Variants in MRPS14 observed in about 807,000 individuals in gnomAD.
MRPS14 encodes the protein mitochondrial ribosomal protein S14, also known as small ribosomal subunit protein uS14m.
A neutral mutation model predicts 16.4 loss-of-function variants in MRPS14; 14 were observed. That is an observed-to-expected ratio of 0.85 (90% CI 0.56 to 1.33). The LOEUF is 1.33. Ranked by LOEUF, MRPS14 falls within the 40% of genes most tolerant of loss-of-function variation. The probability of loss-of-function intolerance (pLI) is 0.00; values close to 1 mark genes in which losing one functional copy is unlikely to be tolerated. For synonymous variants in MRPS14, 54 were observed against 61.9 expected (o/e 0.87, Z 0.60); for missense variants, 162 against 176.8 (o/e 0.92, Z 0.48).
At position 175,014,475 on chromosome 1, in the gene MRPS14, G is replaced by A. The variant is rs1267456212; in HGVS notation, c.*194C>T. The A allele has an allele frequency of 5.6e-6, 3 of 532,036 alleles. No individual in the cohort carries two copies. The highest frequency in any genetic ancestry group is 1.9e-5 in the African/African-American group (1 of 52,276). 33.0% of individuals were successfully genotyped at this position (532,036 alleles called of 1,614,324 possible). ...GGAACAGTATGTTTGTTAAGTCCAA[G>A]AGAAAAGATAATTCACTGACATGAA... On this transcript the variant is annotated 3_prime_UTR_variant, in exon 3 of 3. Transcript: ENST00000476371.
At chr1:175,015,497 A>G (rs1307451867) in intron 2 of MRPS14, among the ~76,000 whole-genome samples, 1 of 152,196 alleles carries the variant, frequency 6.6e-6, no homozygotes, top group Non-Finnish European at 1.5e-5. Flanking sequence ...GAGGAAGGAG[A>G]GTATCACATG....
chr1:175,019,543 G>A (rs1395066552), intron 1 of MRPS14, among the ~76,000 whole-genome samples: 9 of 152,054 alleles, frequency 5.9e-5, no homozygotes, highest in Non-Finnish European at 1.3e-4. Flanking sequence ...TGATCCATCC[G>A]TCTTGGCCTC....
At chr1:175,023,260 A>T in intron 1 of MRPS14, 104 bp downstream of exon 1, 1 of 1,562,840 alleles carries the variant, frequency 6.4e-7, no homozygotes, top group Non-Finnish European at 8.7e-7. Context: ...GAACCCCTGG[A>T]CTGGTCCTCA....
chr1:175,019,884 T>A (rs1481917524), intron 1 of MRPS14, among the ~76,000 whole-genome samples: 1 of 152,196 alleles, frequency 6.6e-6, no homozygotes, highest in African/African-American at 2.4e-5. Context: ...ATGAAATATA[T>A]GTATAGCAGA....
chr1:175,014,624 T>C lies in MRPS14; in HGVS notation c.*45A>G, dbSNP rs760964289. On this transcript the variant is annotated 3_prime_UTR_variant, in exon 3 of 3. Transcript: ENST00000476371. The stretch of plus-strand genomic sequence containing the variant: ...AAAAAAAATCTTTGCTTGCTGGAAC[T>C]GCAAGCTTGGCTTCCCTGCAAGCTC... 4 of 1,553,504 alleles carry C rather than the reference T, an allele frequency of 2.6e-6. No homozygotes were observed. Among genetic ancestry groups the C allele is most frequent in the Admixed American group, 2.1e-5 (1 of 47,956 alleles).
In MRPS14 at chr1:175,014,446, T is replaced by C. The variant is rs1192096804; in HGVS notation, c.*223A>G. ...TTATTATGCTACTCTTTGTACTATGTATGGGAACAGTATGTTTGTTAAGTC... is the reference window on the plus strand; with the variant it reads ...TTATTATGCTACTCTTTGTACTATGCATGGGAACAGTATGTTTGTTAAGTC... On this transcript the variant is annotated 3_prime_UTR_variant, in exon 3 of 3. Coordinates refer to ENST00000476371, the MANE Select transcript of MRPS14 (RefSeq NM_022100.3). 4.0e-6 allele frequency: 2 copies of C among 498,192 alleles called. No homozygotes were observed. The highest frequency in any genetic ancestry group is 7.0e-6 in the Non-Finnish European group (2 of 284,430). 30.9% of individuals were successfully genotyped at this position (498,192 alleles called of 1,614,324 possible). A position where few individuals can be genotyped will look rare whatever the true frequency, so the allele number is the denominator to read the frequency against.
At chr1:175,016,209 A>C (rs1035507205) in intron 2 of MRPS14, among the ~76,000 whole-genome samples, 3 of 150,510 alleles carry the variant, frequency 2.0e-5, no homozygotes, top group Non-Finnish European at 3.0e-5. Context: ...AAAAAAAAAC[A>C]AAAAAAAACC....
chr1:175,018,771 A>G (rs1379274821), intron 1 of MRPS14, among the ~76,000 whole-genome samples, 195 bp from the exon 2 acceptor site: 1 of 152,248 alleles, frequency 6.6e-6, no homozygotes, highest in Non-Finnish European at 1.5e-5. Flanking sequence ...GATGTATATT[A>G]AGTCAAAATC....
chr1:175,022,197 C>T (rs920452054), intron 1 of MRPS14, among the ~76,000 whole-genome samples: 5 of 151,776 alleles, frequency 3.3e-5, no homozygotes, highest in Non-Finnish European at 7.4e-5. Flanking sequence ...AAGAATGTAA[C>T]TATTTCATAA....
chr1:175,015,786 C>T (rs1213824587), intron 2 of MRPS14, among the ~76,000 whole-genome samples: 1 of 152,160 alleles, frequency 6.6e-6, no homozygotes, highest in Non-Finnish European at 1.5e-5. Flanking sequence ...CTGTGCTAGA[C>T]TGCGGTGCAA....
rs142188455 is a variant in MRPS14, at chr1:175,018,564, A to G, written c.58T>C (p.Ser20Pro). The G allele has an allele frequency of 4.4e-6, 7 of 1,596,458 alleles. No homozygotes were observed. The highest frequency in any genetic ancestry group is 6.0e-6 in the Non-Finnish European group (7 of 1,174,514). The change falls in exon 2 of 3, where the codon TCA (serine) becomes CCA (proline). Residue 20 changes from serine (S) to proline (P), a missense_variant. Physicochemically the swap from Ser to Pro is moderately conservative, Grantham distance 74. Transcript: ENST00000476371. Reference protein sequence around the residue: ...LRTFKQMVPSSASGQVRSHYV... With the variant: ...LRTFKQMVPSPASGQVRSHYV... The stretch of plus-strand genomic sequence containing the variant: ...TGACTTCGAACTTGGCCTGAAGCTG[A>G]TGAAGGAACCATCTGAAAGACAGAG...
chr1:175,014,814 T>G lies in MRPS14; in HGVS notation c.242A>C (p.Asp81Ala). 2 of 1,613,944 alleles carry G rather than the reference T, an allele frequency of 1.2e-6. No individual in the cohort carries two copies. Among genetic ancestry groups the G allele is most frequent in the Non-Finnish European group, 1.7e-6 (2 of 1,179,974 alleles). Residue 81 changes from aspartate (D) to alanine (A), a missense_variant, in exon 3 of 3, where the codon GAT becomes GCT. Coordinates refer to ENST00000476371, the MANE Select transcript of MRPS14 (RefSeq NM_022100.3). ...ADEEIAALPR[D>A]SCPVRIRNRC... ...ATTTCTGATTCTAACAGGACAGCTA[T>G]CCCGGGGGAGGGCAGCAATTTCTTC...
At chr1:175,016,214 AAAAC>A (rs1336631994) in intron 2 of MRPS14, among the ~76,000 whole-genome samples, 1 of 152,090 alleles carries the variant, frequency 6.6e-6, no homozygotes, top group Non-Finnish European at 1.5e-5. Flanking sequence ...AAAACAAAAA[AAAAC>A]CATGATTGAG....
At chr1:175,016,897 T>G (rs939682221) in intron 2 of MRPS14, among the ~76,000 whole-genome samples, 4 of 152,096 alleles carry the variant, frequency 2.6e-5, no homozygotes, top group Non-Finnish European at 4.4e-5. Context: ...TCCACAGAAT[T>G]TATTCATCTT....
intron 2 of MRPS14, 40 bp from the exon 3 acceptor site, chr1:175,014,891 G>C: frequency 1.3e-6 from 2 of 1,513,512 alleles, no homozygotes; most frequent in South Asian, 2.4e-5. Flanking sequence ...ACATTACATT[G>C]TTGCACATGT....
At chr1:175,018,384 T>C in intron 2 of MRPS14, 34 bp downstream of exon 2, 2 of 1,542,488 alleles carry the variant, frequency 1.3e-6, no homozygotes, top group Non-Finnish European at 1.7e-6. Context: ...TTAATGATCT[T>C]GTGGTACAAA....
intron 2 of MRPS14, among the ~76,000 whole-genome samples, chr1:175,015,897 T>A (rs1444412513): frequency 6.6e-6 from 1 of 152,084 alleles, no homozygotes; most frequent in Non-Finnish European, 1.5e-5. Flanking sequence ...ACTAACAGAA[T>A]TACATAAAAC....
intron 1 of MRPS14, among the ~76,000 whole-genome samples, chr1:175,019,885 G>A (rs1252360388): frequency 1.3e-5 from 2 of 152,152 alleles, no homozygotes; most frequent in Non-Finnish European, 2.9e-5. Flanking sequence ...TGAAATATAT[G>A]TATAGCAGAA....
In MRPS14 at chr1:175,013,435, T is replaced by TAATC. The variant is rs1000933412; in HGVS notation, c.*1230_*1233dup. 4.6e-5 allele frequency: 7 copies of TAATC among 152,236 alleles called. No individual in the cohort carries two copies. The highest frequency in any genetic ancestry group is 2.1e-4 in the South Asian group (1 of 4,822). The allele number at this position is 152,236 out of a possible 1,614,324, so 9.4% of individuals were successfully genotyped here. A position where few individuals can be genotyped will look rare whatever the true frequency, so the allele number is the denominator to read the frequency against. On this transcript the variant is annotated 3_prime_UTR_variant, in exon 3 of 3. Coordinates refer to ENST00000476371, the MANE Select transcript of MRPS14 (RefSeq NM_022100.3). Reference sequence around the variant, plus strand: ...GAGAACCATCTTTACCTCTTAGATATAATCAGTCTTGTAAGTCTTGCCCAA... The same window carrying TAATC: ...GAGAACCATCTTTACCTCTTAGATATAATCAATCAGTCTTGTAAGTCTTGCCCAA...
Sources: gnomAD v4.1 joint callset for allele counts (sites outside exome capture counted in the v4.1 genomes callset) on GRCh38, gnomAD v4.1.1 for gene constraint, MANE v1.5 for transcripts, NCBI Gene and HGNC (gene_info 2026-07-23, HGNC 2026-07-21) for gene names.